The following ACTR8 variants were observed in gnomAD, a reference collection of about 807,000 sequenced individuals.
ACTR8 encodes actin related protein 8, also known as actin-related protein 8.
ACTR8 carries 70 observed loss-of-function variants against 84.3 expected under a neutral mutation model. That is an observed-to-expected ratio of 0.83 (90% CI 0.68 to 1.01). ACTR8 has a LOEUF of 1.01. ACTR8 is among the 50% of genes least tolerant of loss of function. ACTR8 has a pLI of 0.00. For synonymous variants in ACTR8, 268 were observed against 275.2 expected (o/e 0.97, Z 0.26); for missense variants, 672 against 775.4 (o/e 0.87, Z 1.58).
At chr3:53,873,677 TCCCTAAAAAAATCAAA>T (rs1699922720) in intron 8 of ACTR8, among the ~76,000 whole-genome samples, 1 of 152,166 alleles carries the variant, frequency 6.6e-6, no homozygotes, top group Non-Finnish European at 1.5e-5. Context: ...CTAAACTTGT[TCCCTAAAAAAATCAAA>T]CTTTTCCTGA....
chr3:53,874,294 G>C lies in ACTR8; in HGVS notation c.982C>G (p.Pro328Ala). Reference sequence around the variant, plus strand: ...TTTGTTAACTGGCATTCTCTGTAAGGGAACCCAGCTCGCTGCATTAGCCAG... The same window carrying C: ...TTTGTTAACTGGCATTCTCTGTAAGCGAACCCAGCTCGCTGCATTAGCCAG... ...FYWLMQRAGF[P>A]YRECQLTNKM... is the part of the protein sequence containing the mutation. The change falls in exon 8 of 13, where the codon CCT becomes GCT. Residue 328 changes from proline (P) to alanine (A), a missense_variant. Coordinates refer to ENST00000335754, the MANE Select transcript of ACTR8 (RefSeq NM_022899.5). The C allele has an allele frequency of 6.2e-7, 1 of 1,614,134 alleles. No homozygotes were observed. The highest frequency in any genetic ancestry group is 8.5e-7 in the Non-Finnish European group (1 of 1,180,008).
chr3:53,881,914 G>A, intron 1 of ACTR8, 65 bp downstream of exon 1: 1 of 1,547,446 alleles, frequency 6.5e-7, no homozygotes, highest in Middle Eastern at 1.9e-4. Flanking sequence ...GCCGCCTCCC[G>A]CCCCTTGCCT....
At chr3:53,877,528 T>A (rs1249839113) in intron 4 of ACTR8, 119 bp downstream of exon 4, 1 of 1,293,888 alleles carries the variant, frequency 7.7e-7, no homozygotes, top group African/African-American at 1.5e-5. Flanking sequence ...GACTATCTGG[T>A]ACTCAAAGCA....
chr3:53,863,505 G>A (rs148908020), downstream of ACTR8, among the ~76,000 whole-genome samples: 1 of 152,328 alleles, frequency 6.6e-6, no homozygotes, highest in African/African-American at 2.4e-5. Context: ...TCTAAGCTAA[G>A]AAAGCCACAG....
the ACTR8 span, chr3:53,859,875 C>T: frequency 8.7e-6 from 3 of 344,148 alleles, no homozygotes; most frequent in South Asian, 4.6e-5. Flanking sequence ...TGGCTGGGCG[C>T]GGTGACACAT....
At chr3:53,866,627 A>G (rs540004895), downstream of ACTR8, among the ~76,000 whole-genome samples, 230 of 148,214 alleles carry the variant, frequency 1.6e-3, no homozygotes, top group Admixed American at 2.3e-3. Context: ...GACTACAGGC[A>G]CCCACCACCA....
rs747670953 is a variant in ACTR8, at chr3:53,871,475, G to A, written c.1324C>T (p.Arg442Ter). 49 of 1,613,960 alleles carry A rather than the reference G, an allele frequency of 3.0e-5. No individual in the cohort carries two copies. The highest frequency in any genetic ancestry group is 4.0e-5 in the African/African-American group (3 of 74,938). Residue 442 changes from arginine (R) to a stop codon, truncating the protein, a stop_gained, in exon 11 of 13, where the codon CGA (arginine) becomes TGA (stop). Coordinates refer to ENST00000335754, the MANE Select transcript of ACTR8 (RefSeq NM_022899.5). LOFTEE classifies it high-confidence loss of function. ...CCAATAGGTTTGGATGCAGACTTTCGGTCAGCAGTAGCTTTTGCAGACTTT... is the reference window on the plus strand; with the variant it reads ...CCAATAGGTTTGGATGCAGACTTTCAGTCAGCAGTAGCTTTTGCAGACTTT... Reference protein sequence around the residue: ...QEQSAKATADRKSASKPIGFE... With the variant: ...QEQSAKATAD
intron 2 of ACTR8, among the ~76,000 whole-genome samples, chr3:53,879,236 A>G (rs924970965): frequency 9.9e-5 from 15 of 152,226 alleles, no homozygotes; most frequent in African/African-American, 2.9e-4. Flanking sequence ...GCGGACTCTT[A>G]TATCAGCAAG....
At chr3:53,865,333 TTA>T (rs759681740), downstream of ACTR8, 1 of 1,566,378 alleles carries the variant, frequency 6.4e-7, no homozygotes, top group Admixed American at 1.8e-5. Flanking sequence ...GCAAGAGACC[TTA>T]AAGGCTTCCT....
At chr3:53,863,824 T>A (rs1352910906), downstream of ACTR8, among the ~76,000 whole-genome samples, 1 of 57,020 alleles carries the variant, frequency 1.8e-5, no homozygotes. Context: ...TCAAAGTATT[T>A]TTTTTTTTTT....
intron 1 of ACTR8, 59 bp downstream of exon 1, chr3:53,881,920 T>C: frequency 1.9e-6 from 3 of 1,550,404 alleles, no homozygotes; most frequent in Non-Finnish European, 2.6e-6. Context: ...TCCCGCCCCT[T>C]GCCTGGCAGC....
At chr3:53,869,198 G>A (rs939677617) in intron 12 of ACTR8, among the ~76,000 whole-genome samples, 1 of 152,132 alleles carries the variant, frequency 6.6e-6, no homozygotes, top group Non-Finnish European at 1.5e-5. Context: ...GGAGAATGGC[G>A]TGAACCCGGG....
downstream of ACTR8, chr3:53,864,702 C>A: frequency 7.2e-7 from 1 of 1,382,434 alleles, no homozygotes; most frequent in Non-Finnish European, 1.0e-6. Context: ...TGAAAGCCTG[C>A]TGTTTGCTGT....
At chr3:53,871,583 C>T in intron 10 of ACTR8, 87 bp from the exon 11 acceptor site, 2 of 1,483,534 alleles carry the variant, frequency 1.3e-6, no homozygotes, top group Non-Finnish European at 9.2e-7. Context: ...CCCTACCCTA[C>T]TACTATAAAA....
chr3:53,866,248 A>G (rs1699774682), downstream of ACTR8, among the ~76,000 whole-genome samples: 1 of 152,124 alleles, frequency 6.6e-6, no homozygotes, highest in Admixed American at 6.5e-5. Flanking sequence ...GCTGAGTGTG[A>G]TGGTGTAAGC....
intron 2 of ACTR8, among the ~76,000 whole-genome samples, chr3:53,879,139 C>T (rs1438077753): frequency 6.6e-6 from 1 of 152,154 alleles, no homozygotes; most frequent in Non-Finnish European, 1.5e-5. Flanking sequence ...CCATAAATAT[C>T]TTTACAGAAA....
At chr3:53,864,613 T>C (rs1304317220), downstream of ACTR8, 1 of 694,978 alleles carries the variant, frequency 1.4e-6, no homozygotes, top group Non-Finnish European at 2.5e-6. Context: ...ATGTTTTTCC[T>C]TGCTGTCACT....
intron 6 of ACTR8, 72 bp from the exon 7 acceptor site, chr3:53,876,152 G>A (rs553174697): frequency 6.4e-7 from 1 of 1,562,044 alleles, no homozygotes; most frequent in East Asian, 2.3e-5. Context: ...CAGATAATCA[G>A]CTGAAGCGGG....
At position 53,881,432 on chromosome 3, in the gene ACTR8, T is replaced by C. The variant is rs9830672; in HGVS notation, c.123+547A>G. On this transcript the variant is annotated intron_variant, in intron 1 of 12. Transcript: ENST00000335754. ...TTAGTTTAGTTTGGTCTAATAGTGT[T>C]GTTTTTGATACACAAGCTCTTAATA... 2.6e-3 allele frequency among the ~76,000 whole-genome samples: 400 copies of C among 152,372 alleles called. 2 individuals carry two copies. Among genetic ancestry groups the C allele is most frequent in the African/African-American group, 8.9e-3 (372 of 41,590 alleles).
Sources: gnomAD v4.1 joint callset for allele counts (sites outside exome capture counted in the v4.1 genomes callset) on GRCh38, gnomAD v4.1.1 for gene constraint, MANE v1.5 for transcripts, NCBI Gene and HGNC (gene_info 2026-07-23, HGNC 2026-07-21) for gene names.